The following SLCO2A1 variants were observed in gnomAD, a reference collection of about 807,000 sequenced individuals.
The protein encoded by SLCO2A1 is solute carrier organic anion transporter family member 2A1.
A neutral mutation model predicts 71.7 loss-of-function variants in SLCO2A1; 60 were observed. The ratio of observed to expected loss-of-function variants is 0.84; its 90% confidence interval spans 0.68 to 1.04. The LOEUF (loss-of-function observed/expected upper bound fraction) is 1.04. Among genes scored for constraint, SLCO2A1 ranks in the 50% least tolerant of loss-of-function variants. The pLI, the probability that SLCO2A1 is intolerant of heterozygous loss-of-function variation, is 0.00. For missense variants in SLCO2A1, 745 were observed against 813.4 expected, an observed-to-expected ratio of 0.92 and a Z score of 1.02; for synonymous variants, 308 against 326.7, an observed-to-expected ratio of 0.94 and a Z score of 0.62.
At position 133,955,787 on chromosome 3, in the gene SLCO2A1, C is replaced by T. The variant is rs368726856; in HGVS notation, c.398-594G>A. On this transcript the variant is annotated intron_variant, in intron 3 of 13. Coordinates refer to ENST00000310926, the MANE Select transcript of SLCO2A1 (RefSeq NM_005630.3). ...CCAAGTCACACTGGAAGACCTACTGCCAAAGACATTTAATATCCTTACCGT... is the reference window on the plus strand; with the variant it reads ...CCAAGTCACACTGGAAGACCTACTGTCAAAGACATTTAATATCCTTACCGT... Among the ~76,000 whole-genome samples, 23 of 152,310 alleles carry T rather than the reference C, an allele frequency of 1.5e-4. 1 individual carries two copies. Among genetic ancestry groups the T allele is most frequent in the African/African-American group, 2.6e-4 (11 of 41,582 alleles).
At chr3:133,988,968 GA>G in intron 1 of SLCO2A1, among the ~76,000 whole-genome samples, 1 of 152,166 alleles carries the variant, frequency 6.6e-6, no homozygotes, top group Non-Finnish European at 1.5e-5. Flanking sequence ...AAGCAAAAGG[GA>G]AAACCCCATC....
intron 1 of SLCO2A1, among the ~76,000 whole-genome samples, chr3:133,993,294 C>T (rs1240019977): frequency 6.6e-6 from 1 of 152,132 alleles, no homozygotes; most frequent in Non-Finnish European, 1.5e-5. Flanking sequence ...GGGAAATATC[C>T]TGCTTCCGTT....
chr3:134,024,067 A>G (rs1935649987), intron 1 of SLCO2A1, among the ~76,000 whole-genome samples: 1 of 152,216 alleles, frequency 6.6e-6, no homozygotes, highest in Non-Finnish European at 1.5e-5. Flanking sequence ...TTAGCTTAAG[A>G]ATTTTCAAGA....
intron 11 of SLCO2A1, among the ~76,000 whole-genome samples, chr3:133,939,304 G>C (rs1247125381): frequency 6.6e-6 from 1 of 152,228 alleles, no homozygotes; most frequent in Non-Finnish European, 1.5e-5. Context: ...CTGGGGAGTG[G>C]AGAGAGGGAG....
chr3:134,010,740 G>A (rs1428537847), intron 1 of SLCO2A1, among the ~76,000 whole-genome samples: 1 of 115,048 alleles, frequency 8.7e-6, no homozygotes, highest in Non-Finnish European at 1.8e-5. Context: ...GTGACAGAGT[G>A]AGACTCTGTC....
chr3:134,027,884 C>T (rs1182922700), intron 1 of SLCO2A1, among the ~76,000 whole-genome samples: 1 of 152,214 alleles, frequency 6.6e-6, no homozygotes, highest in Admixed American at 6.5e-5. Context: ...AAATGGAAGT[C>T]CTCCAAACTC....
chr3:133,990,281 G>GT (rs1934810441), intron 1 of SLCO2A1, among the ~76,000 whole-genome samples: 3 of 152,162 alleles, frequency 2.0e-5, no homozygotes, highest in South Asian at 4.1e-4. Flanking sequence ...TCCTTCTTCA[G>GT]TTTTTTGTCA....
chr3:133,937,026 C>T (rs1162368705), intron 12 of SLCO2A1, among the ~76,000 whole-genome samples: 1 of 152,100 alleles, frequency 6.6e-6, no homozygotes, highest in Non-Finnish European at 1.5e-5. Flanking sequence ...TGGGTTTTCT[C>T]ATTGTGGTCC....
Position 133,934,672 on chromosome 3 carries a change from A to C in SLCO2A1, c.*41T>G. ...GAGTATAGGCAGGTGTGGAAGAGTC[A>C]AGGTCCACTCTCTGGAGCAGGGCAG... is the stretch of plus-strand genomic sequence containing the variant. On this transcript the variant is annotated 3_prime_UTR_variant, in exon 14 of 14. Transcript: ENST00000310926. 1 of 1,378,248 alleles carries C rather than the reference A, an allele frequency of 7.3e-7. No individual in the cohort carries two copies. Among genetic ancestry groups the C allele is most frequent in the Non-Finnish European group, 1.0e-6 (1 of 966,716 alleles). The allele number at this position is 1,378,248 out of a possible 1,614,324, so 85.4% of individuals were successfully genotyped here.
At chr3:134,003,571 A>G (rs1163523056) in intron 1 of SLCO2A1, among the ~76,000 whole-genome samples, 10 of 152,150 alleles carry the variant, frequency 6.6e-5, no homozygotes, top group Non-Finnish European at 1.5e-4. Flanking sequence ...AGTGACTTCA[A>G]CAAAATACCT....
intron 3 of SLCO2A1, among the ~76,000 whole-genome samples, chr3:133,966,310 C>G (rs1934164800): frequency 6.6e-6 from 1 of 152,208 alleles, no homozygotes; most frequent in African/African-American, 2.4e-5. Context: ...CAGAAAATGT[C>G]TGTTGACCCC....
chr3:133,954,124 G>T (rs1034955084), intron 4 of SLCO2A1, among the ~76,000 whole-genome samples: 8 of 149,538 alleles, frequency 5.3e-5, no homozygotes, highest in Non-Finnish European at 3.0e-5. Flanking sequence ...CTGGAGTATA[G>T]GCCCTGAGGA....
chr3:133,973,753 T>A lies in SLCO2A1; in HGVS notation c.307A>T (p.Ile103Phe). ...SRVHRPRLIG[I>F]GGLFLAAGAF... Reference sequence around the variant, plus strand: ...CCTGCAGCCAGGAAGAGACCTCCGATGCCAATCAGACGTGGACGGTGCACC... The same window carrying A: ...CCTGCAGCCAGGAAGAGACCTCCGAAGCCAATCAGACGTGGACGGTGCACC... The change falls in exon 3 of 14, where the codon ATC becomes TTC. Residue 103 changes from isoleucine to phenylalanine, a missense_variant. Coordinates refer to ENST00000310926, the MANE Select transcript of SLCO2A1 (RefSeq NM_005630.3). 5.0e-6 allele frequency: 8 copies of A among 1,614,078 alleles called. No individual in the cohort carries two copies. The highest frequency in any genetic ancestry group is 6.8e-6 in the Non-Finnish European group (8 of 1,180,022).
chr3:133,979,393 C>A, intron 2 of SLCO2A1, 88 bp downstream of exon 2: 1 of 1,545,530 alleles, frequency 6.5e-7, no homozygotes, highest in East Asian at 2.2e-5. Flanking sequence ...ATGTGCACAT[C>A]TCAGCCCCCT....
chr3:133,961,808 C>T (rs1174818982), intron 3 of SLCO2A1, among the ~76,000 whole-genome samples: 1 of 152,202 alleles, frequency 6.6e-6, no homozygotes, highest in Non-Finnish European at 1.5e-5. Flanking sequence ...CTTATGCCAA[C>T]TCAATAGGGC....
chr3:133,978,479 G>C (rs528299499), intron 2 of SLCO2A1, among the ~76,000 whole-genome samples: 2 of 152,232 alleles, frequency 1.3e-5, no homozygotes, highest in African/African-American at 4.8e-5. Context: ...AAGGGGGAGG[G>C]GTGAAAGGGA....
At chr3:134,017,432 G>A (rs1048972131) in intron 1 of SLCO2A1, among the ~76,000 whole-genome samples, 6 of 152,162 alleles carry the variant, frequency 3.9e-5, no homozygotes, top group East Asian at 1.9e-4. Context: ...AACCATCCAC[G>A]TTGATCCTCC....
intron 9 of SLCO2A1, among the ~76,000 whole-genome samples, chr3:133,945,514 C>T (rs138399767): frequency 6.6e-6 from 1 of 152,306 alleles, no homozygotes. Context: ...TCTGGGAAGG[C>T]CTGGCTGGTG....
chr3:133,993,049 A>G (rs1409828832), intron 1 of SLCO2A1, among the ~76,000 whole-genome samples: 1 of 152,234 alleles, frequency 6.6e-6, no homozygotes, highest in Non-Finnish European at 1.5e-5. Context: ...CTGGGGCTTC[A>G]GGGGTCATGG....
Sources: allele counts gnomAD v4.1 joint callset (sites outside exome capture counted in the v4.1 genomes callset), GRCh38; gene constraint gnomAD v4.1.1; transcripts MANE v1.5; gene names NCBI Gene and HGNC (gene_info 2026-07-23, HGNC 2026-07-21).